TNFSF4: variants seen among roughly 807,000 people sequenced by gnomAD.
The protein encoded by TNFSF4 is tumor necrosis factor ligand superfamily member 4.
In TNFSF4, 4 loss-of-function variants were observed where a neutral mutation model predicts 7.3. The observed-to-expected ratio is 0.55, with a 90% CI of 0.27 to 1.25. The LOEUF is 1.25. TNFSF4 is among the 50% of genes most tolerant of loss of function. The pLI is 0.12. For missense variants in TNFSF4, 181 were observed against 208.8 expected, an observed-to-expected ratio of 0.87 and a Z score of 0.82; for synonymous variants, 76 against 83.7, an observed-to-expected ratio of 0.91 and a Z score of 0.50.
At chr1:173,377,502 G>C in the TNFSF4 span, among the ~76,000 whole-genome samples, 6 of 152,208 alleles carry the variant, frequency 3.9e-5, no homozygotes, top group South Asian at 2.1e-4. Context: ...TCAAAGTCAC[G>C]ACGCCCAAGC....
At chr1:173,266,104 G>C in the TNFSF4 span, among the ~76,000 whole-genome samples, 2 of 152,166 alleles carry the variant, frequency 1.3e-5, no homozygotes, top group African/African-American at 4.8e-5. Flanking sequence ...TGTAAAGAGT[G>C]TGCAAGAGTA....
At chr1:173,188,674 A>G in intron 1 of TNFSF4, 105 bp from the exon 2 acceptor site, 1 of 951,416 alleles carries the variant, frequency 1.1e-6, no homozygotes, top group Non-Finnish European at 1.6e-6. Context: ...TAGCCTGTAG[A>G]GAAAACAAAA....
chr1:173,213,246 C>A, the TNFSF4 span, among the ~76,000 whole-genome samples: 1 of 152,136 alleles, frequency 6.6e-6, no homozygotes, highest in East Asian at 1.9e-4. Context: ...ACTTGTCAAC[C>A]CCTTTTGTTC....
chr1:173,366,358 G>A, the TNFSF4 span, among the ~76,000 whole-genome samples: 1 of 152,110 alleles, frequency 6.6e-6, no homozygotes, highest in Non-Finnish European at 1.5e-5. Context: ...AAATAAGCCA[G>A]GCACAGAAAG....
chr1:173,420,728 G>A, the TNFSF4 span, among the ~76,000 whole-genome samples: 2 of 152,142 alleles, frequency 1.3e-5, no homozygotes, highest in Non-Finnish European at 1.5e-5. Flanking sequence ...GGGAATAAAC[G>A]TGTAAAGAAA....
At position 173,207,091 on chromosome 1, in the gene TNFSF4, G is replaced by C; in HGVS notation, c.86C>G (p.Ser29Cys). ...GAGCAGCCCCAGTCCCTGAATTACA[G>C]AGGCCACCAGCAATAGCTTGTTCCT... ...FERNKLLLVA[S>C]VIQGLGLLLC... The change falls in exon 1 of 3, where the codon TCT (serine) becomes TGT (cysteine). Residue 29 changes from serine (S) to cysteine (C), a missense_variant. By Grantham distance (112) the Ser-to-Cys change is moderately radical (BLOSUM62 -1). Coordinates refer to ENST00000281834, the MANE Select transcript of TNFSF4 (RefSeq NM_003326.5). 6.2e-7 allele frequency: 1 copy of C among 1,613,862 alleles called. No homozygotes were observed. Among genetic ancestry groups the C allele is most frequent in the Non-Finnish European group, 8.5e-7 (1 of 1,179,912 alleles).
At chr1:173,378,982 C>T in the TNFSF4 span, among the ~76,000 whole-genome samples, 1 of 151,814 alleles carries the variant, frequency 6.6e-6, no homozygotes, top group Non-Finnish European at 1.5e-5. Context: ...TGATTTAAAG[C>T]AGATCAAGGC....
At chr1:173,192,309 C>T (rs1649522399) in intron 1 of TNFSF4, among the ~76,000 whole-genome samples, 1 of 152,186 alleles carries the variant, frequency 6.6e-6, no homozygotes, top group Non-Finnish European at 1.5e-5. Context: ...AACTTGGAAG[C>T]AGCCAAAACG....
At chr1:173,244,642 AAAAAAAAACAAAAAAC>A in the TNFSF4 span, among the ~76,000 whole-genome samples, 1 of 124,270 alleles carries the variant, frequency 8.0e-6, no homozygotes, top group Non-Finnish European at 1.5e-5. Context: ...ACTCTGTCTC[AAAAAAAAACAAAAAAC>A]AAAAAAAACA....
At chr1:173,442,784 C>T in the TNFSF4 span, among the ~76,000 whole-genome samples, 6 of 151,978 alleles carry the variant, frequency 3.9e-5, no homozygotes, top group South Asian at 4.2e-4. Context: ...CTCCTGAACT[C>T]GTGATCTGCT....
At chr1:173,384,043 C>A in the TNFSF4 span, among the ~76,000 whole-genome samples, 1 of 152,184 alleles carries the variant, frequency 6.6e-6, no homozygotes, top group East Asian at 1.9e-4. Context: ...ATATTAGCCA[C>A]TTCATGTAAG....
At chr1:173,289,425 C>G in the TNFSF4 span, among the ~76,000 whole-genome samples, 1 of 152,160 alleles carries the variant, frequency 6.6e-6, no homozygotes, top group Non-Finnish European at 1.5e-5. Context: ...AGTAATTTAA[C>G]TGCTTCTCAG....
At chr1:173,229,412 G>T in the TNFSF4 span, among the ~76,000 whole-genome samples, 1 of 152,072 alleles carries the variant, frequency 6.6e-6, no homozygotes, top group Non-Finnish European at 1.5e-5. Context: ...AGGCCTGCCC[G>T]AAAAGAGCTC....
the TNFSF4 span, among the ~76,000 whole-genome samples, chr1:173,378,964 T>C: frequency 6.6e-6 from 1 of 151,248 alleles, no homozygotes; most frequent in Admixed American, 6.6e-5. Context: ...TGTCCCCTTC[T>C]CCCTCTCTGA....
At chr1:173,244,648 A>C in the TNFSF4 span, among the ~76,000 whole-genome samples, 2,255 of 128,106 alleles carry the variant, frequency 0.018, 113 homozygotes, top group African/African-American at 0.066. Context: ...TCTCAAAAAA[A>C]AACAAAAAAC....
At chr1:173,273,807 T>C in the TNFSF4 span, among the ~76,000 whole-genome samples, 29 of 152,108 alleles carry the variant, frequency 1.9e-4, no homozygotes, top group African/African-American at 6.3e-4. Flanking sequence ...TGGATGTATG[T>C]GCATAGAATA....
At chr1:173,228,316 AG>A in the TNFSF4 span, among the ~76,000 whole-genome samples, 37 of 152,346 alleles carry the variant, frequency 2.4e-4, no homozygotes, top group South Asian at 7.5e-3. Context: ...CCAGGCAAAG[AG>A]GGTCTGGAGT....
At chr1:173,301,098 A>C in the TNFSF4 span, among the ~76,000 whole-genome samples, 1 of 151,958 alleles carries the variant, frequency 6.6e-6, no homozygotes, top group Non-Finnish European at 1.5e-5. Context: ...CTACTGCTGG[A>C]CTAGTTGAAT....
At chr1:173,320,564 T>C in the TNFSF4 span, among the ~76,000 whole-genome samples, 2 of 152,180 alleles carry the variant, frequency 1.3e-5, no homozygotes, top group Non-Finnish European at 1.5e-5. Context: ...GACATGATGG[T>C]ATATTTAGAA....
Sources: allele counts gnomAD v4.1 joint callset (sites outside exome capture counted in the v4.1 genomes callset), GRCh38; gene constraint gnomAD v4.1.1; transcripts MANE v1.5; gene names NCBI Gene and HGNC (gene_info 2026-07-23, HGNC 2026-07-21).